ADAMTSL1: variants seen among roughly 807,000 people sequenced by gnomAD.
ADAMTSL1 encodes the protein ADAMTS-like protein 1.
A neutral mutation model predicts 201.8 loss-of-function variants in ADAMTSL1; 126 were observed. The observed-to-expected ratio is 0.62, with a 90% CI of 0.54 to 0.72. ADAMTSL1 has a LOEUF of 0.72. Among genes scored for constraint, ADAMTSL1 ranks in the 30% least tolerant of loss-of-function variants. ADAMTSL1 has a pLI of 0.00. For synonymous variants in ADAMTSL1, 1,121 were observed against 903.4 expected (o/e 1.24, Z -4.32); for missense variants, 2,679 against 2,277.8 (o/e 1.18, Z -3.59).
chr9:18,762,794 C>A (rs967554296), intron 16 of ADAMTSL1, among the ~76,000 whole-genome samples: 1 of 152,124 alleles, frequency 6.6e-6, no homozygotes, highest in South Asian at 2.1e-4. Flanking sequence ...AACATAATAA[C>A]CTCCAGTTCC....
In ADAMTSL1 at chr9:18,282,811, C is replaced by T. The variant is rs182267658; in HGVS notation, c.207+118830C>T. On this transcript the variant is annotated intron_variant, in intron 2 of 29. Coordinates refer to the ADAMTSL1 transcript ENST00000680146. ...ACTGGGGAGGCTGAGGCAGGAGAAT[C>T]GCTTGAACCCGGGAGACAGAGTTTG... is the stretch of plus-strand genomic sequence containing the variant. Among the ~76,000 whole-genome samples, 284 of 152,224 alleles carry T rather than the reference C, an allele frequency of 1.9e-3. 1 individual carries two copies. Among genetic ancestry groups the T allele is most frequent in the African/African-American group, 6.5e-3 (270 of 41,528 alleles).
intron 3 of ADAMTSL1, among the ~76,000 whole-genome samples, chr9:18,546,477 A>G (rs936256281): frequency 6.6e-6 from 1 of 152,068 alleles, no homozygotes; most frequent in African/African-American, 2.4e-5. Flanking sequence ...GAGTAAATAT[A>G]CTTTATAGCT....
chr9:17,953,144 A>G (rs1444232247), intron 1 of ADAMTSL1, among the ~76,000 whole-genome samples: 3 of 152,034 alleles, frequency 2.0e-5, no homozygotes, highest in Non-Finnish European at 2.9e-5. Context: ...GACACATTGT[A>G]TTGCTAAAAG....
intron 23 of ADAMTSL1, among the ~76,000 whole-genome samples, chr9:18,841,114 C>G (rs76217217): frequency 0.024 from 3,632 of 151,062 alleles, 64 homozygotes; most frequent in Middle Eastern, 0.037. Flanking sequence ...TGTCTTGTGC[C>G]AGTTTTCAAA....
intron 2 of ADAMTSL1, among the ~76,000 whole-genome samples, chr9:18,171,500 C>T (rs541241599): frequency 6.6e-6 from 1 of 152,084 alleles, no homozygotes; most frequent in South Asian, 2.1e-4. Flanking sequence ...AAGACACAAG[C>T]TGGAAGGTAT....
chr9:18,649,618 C>G (rs1473205591), intron 7 of ADAMTSL1, among the ~76,000 whole-genome samples: 4 of 152,182 alleles, frequency 2.6e-5, no homozygotes, highest in Non-Finnish European at 2.9e-5. Flanking sequence ...ACAGGACCCT[C>G]AGCTGCAGGT....
At chr9:18,511,780 A>G (rs978936073) in intron 2 of ADAMTSL1, among the ~76,000 whole-genome samples, 5 of 152,190 alleles carry the variant, frequency 3.3e-5, no homozygotes, top group African/African-American at 1.2e-4. Context: ...TTATTTCTAT[A>G]CCGTATAATA....
intron 2 of ADAMTSL1, among the ~76,000 whole-genome samples, chr9:18,248,051 G>A (rs1218461352): frequency 6.6e-6 from 1 of 152,084 alleles, no homozygotes; most frequent in Non-Finnish European, 1.5e-5. Context: ...TCTCATTTGT[G>A]TACTGGCTGG....
chr9:17,945,663 G>T (rs1241009048), intron 1 of ADAMTSL1, among the ~76,000 whole-genome samples: 2 of 152,172 alleles, frequency 1.3e-5, no homozygotes, highest in Admixed American at 1.3e-4. Flanking sequence ...CACATCCTTT[G>T]TAGGGACATG....
chr9:18,016,968 G>T (rs996400237), intron 1 of ADAMTSL1, among the ~76,000 whole-genome samples: 1 of 151,942 alleles, frequency 6.6e-6, no homozygotes, highest in African/African-American at 2.4e-5. Context: ...TAGTTGGATG[G>T]CAGATACCTA....
chr9:18,651,196 G>A (rs1828227784), intron 7 of ADAMTSL1: 1 of 152,210 alleles, frequency 6.6e-6, no homozygotes, highest in African/African-American at 2.4e-5. Context: ...TTAATTATTA[G>A]AGATGATCTG....
At chr9:18,799,761 T>A (rs968025798) in intron 20 of ADAMTSL1, among the ~76,000 whole-genome samples, 3 of 152,154 alleles carry the variant, frequency 2.0e-5, no homozygotes, top group Non-Finnish European at 4.4e-5. Flanking sequence ...TTGCTCTTTA[T>A]GAGTTGAATA....
intron 2 of ADAMTSL1, among the ~76,000 whole-genome samples, chr9:18,215,775 A>T (rs1830035010): frequency 6.6e-6 from 1 of 152,096 alleles, no homozygotes; most frequent in African/African-American, 2.4e-5. Flanking sequence ...TCTGGGAGTG[A>T]CCTTAAAGGC....
chr9:18,099,345 ATATATATATATTTTT>A (rs796448132), intron 1 of ADAMTSL1, among the ~76,000 whole-genome samples: 5 of 46,218 alleles, frequency 1.1e-4, no homozygotes, highest in South Asian at 1.4e-3. Context: ...ATATATATAT[ATATATATATATTTTT>A]TTTTTTTTTT....
At chr9:18,168,620 T>C (rs997315633) in intron 2 of ADAMTSL1, among the ~76,000 whole-genome samples, 1 of 151,138 alleles carries the variant, frequency 6.6e-6, no homozygotes, top group Admixed American at 6.6e-5. Context: ...GCATGATTTA[T>C]AATCCTTTGG....
chr9:18,691,380 C>T (rs1831203803), intron 13 of ADAMTSL1, among the ~76,000 whole-genome samples: 1 of 152,162 alleles, frequency 6.6e-6, no homozygotes, highest in African/African-American at 2.4e-5. Flanking sequence ...TGATTTGAGT[C>T]TGGCTTTGAT....
intron 1 of ADAMTSL1, among the ~76,000 whole-genome samples, chr9:17,949,027 C>T (rs956562253): frequency 3.3e-4 from 50 of 152,268 alleles, no homozygotes; most frequent in African/African-American, 1.2e-3. Flanking sequence ...TTTTATCCCA[C>T]TGTAAGAGGG....
At chr9:18,802,724 C>G (rs4977443) in intron 20 of ADAMTSL1, among the ~76,000 whole-genome samples, 31,163 of 152,058 alleles carry the variant, frequency 0.2, 3,723 homozygotes, top group Non-Finnish European at 0.27. Flanking sequence ...TTATACACAC[C>G]TAGGAGTGAA....
chr9:18,828,660 T>TTTATATTTA (rs10685537), intron 22 of ADAMTSL1, among the ~76,000 whole-genome samples: 1 of 28,532 alleles, frequency 3.5e-5, no homozygotes, highest in African/African-American at 1.2e-4. Context: ...GAAAGTATAT[T>TTTATATTTA]TATATATATA....
Sources: gnomAD v4.1 joint callset for allele counts (sites outside exome capture counted in the v4.1 genomes callset) on GRCh38, gnomAD v4.1.1 for gene constraint, MANE v1.5 for transcripts, NCBI Gene and HGNC (gene_info 2026-07-23, HGNC 2026-07-21) for gene names.